Variants in KCNH1 observed in about 807,000 individuals in gnomAD.
KCNH1 encodes potassium voltage-gated channel subfamily H member 1.
A neutral mutation model predicts 69.2 loss-of-function variants in KCNH1; 27 were observed. That is an observed-to-expected ratio of 0.39 (90% confidence interval 0.29 to 0.54). The LOEUF (loss-of-function observed/expected upper bound fraction) is 0.54. KCNH1 is among the 20% of genes least tolerant of loss of function. The pLI is 0.68. For missense variants in KCNH1, 798 were observed against 1,261.6 expected, an observed-to-expected ratio of 0.63 and a Z score of 5.57; for synonymous variants, 456 against 487.7, an observed-to-expected ratio of 0.93 and a Z score of 0.86.
At chr1:210,885,295 G>T (rs1435997833) in intron 7 of KCNH1, among the ~76,000 whole-genome samples, 1 of 152,200 alleles carries the variant, frequency 6.6e-6, no homozygotes, top group Non-Finnish European at 1.5e-5. Flanking sequence ...CCTCACCCAG[G>T]AAGCACAAGG....
rs572663659 is a variant in KCNH1 at position 210,702,643 on chromosome 1, G to C, written c.2113-18505C>G. ...TACAGTCACTGGGTTGCATGAGGTA[G>C]AGCTGTGGAGCTGGAAATCTTACTA... On this transcript the variant is annotated intron_variant, in intron 10 of 10. Coordinates refer to ENST00000271751, the MANE Select transcript of KCNH1 (RefSeq NM_172362.3). Among the ~76,000 whole-genome samples the C allele has an allele frequency of 9.8e-5, 15 of 152,310 alleles. No individual in the cohort carries two copies. The East Asian group carries it at 2.9e-3, about 29-fold the overall frequency.
chr1:210,972,454 T>G (rs1688526115), intron 6 of KCNH1, among the ~76,000 whole-genome samples: 1 of 152,148 alleles, frequency 6.6e-6, no homozygotes, highest in South Asian at 2.1e-4. Context: ...ATGATTTCAG[T>G]TGCCCTAAAG....
intron 10 of KCNH1, among the ~76,000 whole-genome samples, chr1:210,729,027 C>T (rs925542950): frequency 1.3e-5 from 2 of 152,230 alleles, no homozygotes; most frequent in African/African-American, 4.8e-5. Context: ...AAAAAGCAAG[C>T]TCACAGTGGA....
At chr1:210,700,949 A>T (rs377303854) in intron 10 of KCNH1, among the ~76,000 whole-genome samples, 1 of 151,286 alleles carries the variant, frequency 6.6e-6, no homozygotes, top group South Asian at 2.1e-4. Flanking sequence ...TTATTTATTT[A>T]TTTTTTGAGA....
chr1:210,806,577 C>G (rs1282112804), intron 7 of KCNH1, among the ~76,000 whole-genome samples: 1 of 150,506 alleles, frequency 6.6e-6, no homozygotes, highest in African/African-American at 2.4e-5. Context: ...TATTTTTTTT[C>G]TTTTGTACTC....
chr1:211,046,075 C>T (rs999136500), intron 5 of KCNH1, among the ~76,000 whole-genome samples: 10 of 152,082 alleles, frequency 6.6e-5, no homozygotes, highest in African/African-American at 7.2e-5. Flanking sequence ...TCTTTATTCA[C>T]GTAATATAAC....
At position 210,941,600 on chromosome 1, in the gene KCNH1, G is replaced by A. The variant is rs570501856; in HGVS notation, c.1033-21531C>T. Reference sequence around the variant, plus strand: ...CATGTTGGGCAAACCAAAGCTCTGCGAGGCAGAGCACCCTCAGAAAAAGAG... The same window carrying A: ...CATGTTGGGCAAACCAAAGCTCTGCAAGGCAGAGCACCCTCAGAAAAAGAG... On this transcript the variant is annotated intron_variant, in intron 6 of 10. Coordinates refer to ENST00000271751, the MANE Select transcript of KCNH1 (RefSeq NM_172362.3). Among the ~76,000 whole-genome samples the A allele has an allele frequency of 1.8e-4, 28 of 152,236 alleles. No homozygotes were observed. The South Asian group carries it at 4.8e-3, about 26-fold the overall frequency.
intron 7 of KCNH1, among the ~76,000 whole-genome samples, chr1:210,910,373 A>G (rs1210576427): frequency 3.3e-5 from 5 of 152,232 alleles, no homozygotes; most frequent in Admixed American, 6.5e-5. Context: ...GTGGTCATCA[A>G]GCACTAGCCT....
chr1:211,065,901 A>C (rs539797758), intron 5 of KCNH1, among the ~76,000 whole-genome samples: 1 of 152,156 alleles, frequency 6.6e-6, no homozygotes, highest in South Asian at 2.1e-4. Context: ...TCTCTACAAA[A>C]AAATGGAAAA....
rs751317565 is a variant in KCNH1 at position 210,775,390 on chromosome 1, G to A, written c.2070C>T (p.Ser690=). The change falls in exon 10 of 11, where the codon TCC becomes TCT. Residue 690 remains serine (S), a synonymous_variant. Transcript: ENST00000271751. Reference sequence around the variant, plus strand: ...ACGTCAGAATCAGGTTCCGGGAGAAGGAATGGGAGAAGGCCGTGTAGAATT... The same window carrying A: ...ACGTCAGAATCAGGTTCCGGGAGAAAGAATGGGAGAAGGCCGTGTAGAATT... The part of the protein sequence containing the change: ...VLEFYTAFSH[S]FSRNLILTYN... 3 of 1,614,152 alleles carry A rather than the reference G, an allele frequency of 1.9e-6. No homozygotes were observed. Among genetic ancestry groups the A allele is most frequent in the Non-Finnish European group, 2.5e-6 (3 of 1,180,006 alleles).
At chr1:210,824,847 C>A (rs1015189862) in intron 7 of KCNH1, among the ~76,000 whole-genome samples, 11 of 152,150 alleles carry the variant, frequency 7.2e-5, no homozygotes, top group African/African-American at 2.7e-4. Context: ...TTTTACCCAG[C>A]ATTATCTTGT....
chr1:210,984,449 T>A (rs1688786615), intron 6 of KCNH1, among the ~76,000 whole-genome samples: 1 of 152,214 alleles, frequency 6.6e-6, no homozygotes, highest in African/African-American at 2.4e-5. Context: ...ATACGTCCCA[T>A]CAATACCTAA....
intron 1 of KCNH1, among the ~76,000 whole-genome samples, chr1:211,122,475 G>A (rs1473065747): frequency 6.6e-6 from 1 of 152,076 alleles, no homozygotes; most frequent in Non-Finnish European, 1.5e-5. Context: ...TCCATTACTG[G>A]GTATATGCCC....
intron 7 of KCNH1, among the ~76,000 whole-genome samples, chr1:210,846,605 T>C (rs1574292684): frequency 6.6e-6 from 1 of 152,332 alleles, no homozygotes; most frequent in East Asian, 1.9e-4. Context: ...ACTTGCATGT[T>C]AGACCTACAA....
intron 7 of KCNH1, among the ~76,000 whole-genome samples, chr1:210,845,243 C>T (rs186469946): frequency 1.3e-5 from 2 of 152,272 alleles, no homozygotes; most frequent in African/African-American, 2.4e-5. Flanking sequence ...CCAGCATCAT[C>T]CTGATACCAA....
Position 210,683,625 on chromosome 1 carries a change from T to G in KCNH1, c.2626A>C (p.Lys876Gln), listed in dbSNP as rs1681329861. 6 of 1,614,172 alleles carry G rather than the reference T, an allele frequency of 3.7e-6. No homozygotes were observed. Among genetic ancestry groups the G allele is most frequent in the South Asian group, 1.1e-5 (1 of 91,078 alleles). ...ATGCCACTGTCACACGAGTCTGTCT[T>G]CTTCAGTGTGGCCTCGCCTGACGCT... ...TKASGEATLKKTDSCDSGITK... is the reference protein window; with the variant it reads ...TKASGEATLKQTDSCDSGITK... The change falls in exon 11 of 11, where the codon AAG becomes CAG. Residue 876 changes from lysine to glutamine, a missense_variant. By Grantham distance (53) the Lys-to-Gln change is moderately conservative. Around this residue, in one of 4 missense-constraint regions of KCNH1, gnomAD observed 331 missense variants for 363.2 expected, o/e 0.91. Transcript: ENST00000271751. This position sits in a 1 kb window ranked among gnomAD's most constrained non-coding sequence, Gnocchi z 5.7.
chr1:210,869,460 C>T (rs931060628), intron 7 of KCNH1, among the ~76,000 whole-genome samples: 1 of 148,326 alleles, frequency 6.7e-6, no homozygotes, highest in Non-Finnish European at 1.5e-5. Flanking sequence ...TTTCTGTTAA[C>T]TGATTTTTCT....
rs759775665 is a variant in KCNH1 at position 210,683,817 on chromosome 1, C to T, written c.2434G>A (p.Ala812Thr). ...AASTSGVPDH[A>T]KLQAPGSECL... is the part of the protein sequence containing the mutation. ...TCGGACCCTGGCGCCTGTAGCTTTG[C>T]GTGGTCTGGCACCCCGGAGGTGGAG... Residue 812 changes from alanine to threonine, a missense_variant, in exon 11 of 11, where the codon GCA (alanine) becomes ACA (threonine). Ala to Thr is a moderately conservative substitution (Grantham distance 58). Transcript: ENST00000271751. The surrounding 1 kb of genome is among the most constrained non-coding windows in gnomAD (Gnocchi z 5.7). 6.3e-5 allele frequency: 101 copies of T among 1,613,730 alleles called. No homozygotes were observed. The Admixed American group carries it at 7.0e-4, about 11-fold the overall frequency.
chr1:210,698,047 C>T (rs1390762988), intron 10 of KCNH1, among the ~76,000 whole-genome samples: 1 of 152,156 alleles, frequency 6.6e-6, no homozygotes, highest in African/African-American at 2.4e-5. Context: ...ACACAAATGG[C>T]AAAAGTTAGT....
Sources: gnomAD v4.1 joint callset for allele counts (sites outside exome capture counted in the v4.1 genomes callset) on GRCh38, gnomAD v4.1.1 for gene constraint, gnomAD v4.1.1 regional missense constraint, Gnocchi (gnomAD v3.1) non-coding constraint, MANE v1.5 for transcripts, NCBI Gene and HGNC (gene_info 2026-07-23, HGNC 2026-07-21) for gene names.